CELF2: variants seen among roughly 807,000 people sequenced by gnomAD.
The protein encoded by CELF2 is CUG triplet repeat RNA-binding protein 2.
CELF2 carries 8 observed loss-of-function variants against 62.6 expected under a neutral mutation model. The observed-to-expected ratio is 0.13, with a 90% CI of 0.07 to 0.23. The LOEUF is 0.23. Ranked by LOEUF, CELF2 falls within the 10% of genes least tolerant of loss-of-function variation. The probability of loss-of-function intolerance (pLI) is 1.00; values close to 1 mark genes in which losing one functional copy is unlikely to be tolerated. For missense variants in CELF2, 333 were observed against 671.0 expected (o/e 0.50, Z 5.56); for synonymous variants, 258 against 250.0 (o/e 1.03, Z -0.30).
In CELF2 at chr10:11,300,381, C is replaced by G. The variant is rs1208756783; in HGVS notation, c.976+11829C>G. ...GACTCTTGCCCAGCACTGCACCAAG[C>G]CAGGTGGCATCAGCTTCCTTGGGAA... is the stretch of plus-strand genomic sequence containing the variant. On this transcript the variant is annotated intron_variant, in intron 9 of 12. Coordinates refer to ENST00000633077, the MANE Select transcript of CELF2 (RefSeq NM_001326342.2). The surrounding 1 kb of genome is among the most constrained non-coding windows in gnomAD (Gnocchi z 5.5). Among the ~76,000 whole-genome samples the G allele has an allele frequency of 6.6e-6, 1 of 152,172 alleles. No individual in the cohort carries two copies. Among genetic ancestry groups the G allele is most frequent in the Non-Finnish European group, 1.5e-5 (1 of 68,034 alleles).
chr10:10,828,366 C>T lies in CELF2; in HGVS notation c.53+29549C>T, dbSNP rs777101288. Among the ~76,000 whole-genome samples, 10 of 152,284 alleles carry T rather than the reference C, an allele frequency of 6.6e-5. No homozygotes were observed. The South Asian group carries it at 8.3e-4, about 13-fold the overall frequency. The stretch of plus-strand genomic sequence containing the variant: ...GGGAATTCTGACCCATGCTACAACA[C>T]GGATGGACCTTATGAGCATTACGGT... On this transcript the variant is annotated intron_variant, in intron 1 of 13. Coordinates refer to the CELF2 transcript ENST00000636488.
At chr10:10,923,003 T>C (rs2065065628) in intron 2 of CELF2, 2 of 152,230 alleles carry the variant, frequency 1.3e-5, no homozygotes, top group African/African-American at 4.8e-5. Flanking sequence ...TTTGTTTGTT[T>C]GTACAGTCTC....
chr10:10,988,261 A>G (rs973041589), intron 2 of CELF2, among the ~76,000 whole-genome samples: 1 of 148,652 alleles, frequency 6.7e-6, no homozygotes, highest in Non-Finnish European at 1.5e-5. Context: ...ACACACATAC[A>G]TATATATGTG....
rs1565232973 is a variant in CELF2 at position 11,197,052 on chromosome 10, A to AGAGAGAAG, written c.272-20371_272-20370insGAGAAGGA. On this transcript the variant is annotated intron_variant, in intron 2 of 12. Transcript: ENST00000633077. ...AAGAAAGAAAGAAAGAAAGAAAGAA[A>AGAGAGAAG]GAAAGAAAAGAAAGAAAGGAAAGAA... is the stretch of plus-strand genomic sequence containing the variant. Among the ~76,000 whole-genome samples, 6 of 31,620 alleles carry AGAGAGAAG rather than the reference A, an allele frequency of 1.9e-4. 2 individuals carry two copies. The highest frequency in any genetic ancestry group is 7.7e-4 in the African/African-American group (6 of 7,758). 20.7% of individuals were successfully genotyped at this position (31,620 alleles called of 152,430 possible).
At position 11,110,251 on chromosome 10, in the gene CELF2, G is replaced by A. The variant is rs940334924; in HGVS notation, c.75-55235G>A. ...AACGTCCTACCGCACTCCAGCATGG[G>A]CGACAGAGCAAGACCATGTCTTAAA... is the stretch of plus-strand genomic sequence containing the variant. On this transcript the variant is annotated intron_variant, in intron 1 of 12. Transcript: ENST00000633077. The surrounding 1 kb of genome is among the most constrained non-coding windows in gnomAD (Gnocchi z 4.0). Among the ~76,000 whole-genome samples, 14 of 152,064 alleles carry A rather than the reference G, an allele frequency of 9.2e-5. No homozygotes were observed. The highest frequency in any genetic ancestry group is 3.4e-3 in the Middle Eastern group (1 of 294).
At chr10:10,821,610 C>T (rs2056969375) in intron 1 of CELF2, among the ~76,000 whole-genome samples, 1 of 152,160 alleles carries the variant, frequency 6.6e-6, no homozygotes, top group East Asian at 1.9e-4. Flanking sequence ...TCTCTTCCAG[C>T]TCCAGGGCTT....
the CELF2 span, among the ~76,000 whole-genome samples, chr10:10,756,800 A>C: frequency 2.6e-4 from 39 of 152,334 alleles, no homozygotes; most frequent in African/African-American, 8.9e-4. Context: ...TGACTTAAAG[A>C]AGCAGTAATT....
the CELF2 span, among the ~76,000 whole-genome samples, chr10:10,469,164 C>T: frequency 6.6e-6 from 1 of 151,936 alleles, no homozygotes; most frequent in African/African-American, 2.4e-5. Context: ...TGTTTGTTTA[C>T]TGACCTCTTA....
Position 11,157,800 on chromosome 10 carries a change from G to A in CELF2, c.75-7686G>A, listed in dbSNP as rs769370990. Among the ~76,000 whole-genome samples the A allele has an allele frequency of 6.6e-6, 1 of 152,174 alleles. No individual in the cohort carries two copies. Among genetic ancestry groups the A allele is most frequent in the Non-Finnish European group, 1.5e-5 (1 of 68,026 alleles). ...CCCAGGCTTCTGAAGTGTGTAGAGA[G>A]GGTTGTGAATCCGCACTGACCGTGT... On this transcript the variant is annotated intron_variant, in intron 1 of 12. Coordinates refer to ENST00000633077, the MANE Select transcript of CELF2 (RefSeq NM_001326342.2). The surrounding 1 kb of genome is among the most constrained non-coding windows in gnomAD (Gnocchi z 4.9).
At chr10:10,886,217 C>CTCA (rs1403195438) in intron 1 of CELF2, among the ~76,000 whole-genome samples, 1 of 152,036 alleles carries the variant, frequency 6.6e-6, no homozygotes, top group Non-Finnish European at 1.5e-5. Context: ...GTGTATCAGG[C>CTCA]ACTGTTTTTA....
the CELF2 span, among the ~76,000 whole-genome samples, chr10:10,546,983 T>G: frequency 6.6e-6 from 1 of 152,074 alleles, no homozygotes; most frequent in Non-Finnish European, 1.5e-5. Flanking sequence ...GGCATGCGCC[T>G]GTGATCCCAA....
chr10:11,127,340 G>A (rs1289084781), intron 1 of CELF2, among the ~76,000 whole-genome samples: 1 of 152,100 alleles, frequency 6.6e-6, no homozygotes, highest in East Asian at 1.9e-4. Flanking sequence ...TGTGAATAGT[G>A]CCCCAGTAAA....
chr10:11,187,579 C>CCT (rs111867624), intron 2 of CELF2, among the ~76,000 whole-genome samples: 14 of 151,448 alleles, frequency 9.2e-5, no homozygotes, highest in Non-Finnish European at 1.8e-4. Context: ...GGTCGCCCCC[C>CCT]CCCCAACCTG....
rs570114568 is a variant in CELF2 at position 11,311,007 on chromosome 10, C to T, written c.977-3132C>T. On this transcript the variant is annotated intron_variant, in intron 9 of 12. Transcript: ENST00000633077. The surrounding 1 kb of genome is among the most constrained non-coding windows in gnomAD (Gnocchi z 4.7). ...AACCGAATAAATTCTAATAACTGTT[C>T]GCACAGCTTTCCCAACCATAAGGAA... 2.6e-5 allele frequency among the ~76,000 whole-genome samples: 4 copies of T among 152,220 alleles called. No individual in the cohort carries two copies. The South Asian group carries it at 6.2e-4, about 24-fold the overall frequency.
chr10:10,575,892 A>G, the CELF2 span, among the ~76,000 whole-genome samples: 5 of 152,342 alleles, frequency 3.3e-5, no homozygotes, highest in Admixed American at 2.6e-4. Context: ...CAGTAGAGGA[A>G]TCCTTGACCC....
the CELF2 span, among the ~76,000 whole-genome samples, chr10:10,530,866 A>G: frequency 3.3e-5 from 5 of 152,164 alleles, no homozygotes; most frequent in Non-Finnish European, 5.9e-5. Context: ...TGCAGAATAG[A>G]ATGGTCTTTT....
intron 1 of CELF2, among the ~76,000 whole-genome samples, chr10:11,040,318 C>T (rs1490605436): frequency 6.6e-6 from 1 of 152,100 alleles, no homozygotes; most frequent in African/African-American, 2.4e-5. Flanking sequence ...GTCTCTGTTT[C>T]GAAAACACAC....
intron 2 of CELF2, among the ~76,000 whole-genome samples, chr10:10,944,883 A>G (rs754321662): frequency 2.6e-5 from 4 of 152,174 alleles, no homozygotes; most frequent in Non-Finnish European, 5.9e-5. Context: ...AATTATAGGC[A>G]TGAGTCCCTG....
At chr10:10,548,802 G>A in the CELF2 span, among the ~76,000 whole-genome samples, 1 of 152,270 alleles carries the variant, frequency 6.6e-6, no homozygotes, top group East Asian at 1.9e-4. Flanking sequence ...AGGGTGAGAA[G>A]AATATGCTAT....
Sources: allele counts gnomAD v4.1 joint callset (sites outside exome capture counted in the v4.1 genomes callset), GRCh38; gene constraint gnomAD v4.1.1; non-coding constraint Gnocchi (gnomAD v3.1); transcripts MANE v1.5; gene names NCBI Gene and HGNC (gene_info 2026-07-23, HGNC 2026-07-21).